The following TNFSF15 variants were observed in gnomAD, a reference collection of about 807,000 sequenced individuals.
TNFSF15 encodes the protein tumor necrosis factor ligand superfamily member 15.
A neutral mutation model predicts 26.4 loss-of-function variants in TNFSF15; 15 were observed. That is an observed-to-expected ratio of 0.57 (90% confidence interval 0.38 to 0.87). The LOEUF is 0.87. Ranked by LOEUF, TNFSF15 falls within the 40% of genes least tolerant of loss-of-function variation. The probability of loss-of-function intolerance (pLI) is 0.00; values close to 1 mark genes in which losing one functional copy is unlikely to be tolerated. For missense variants in TNFSF15, 290 were observed against 306.1 expected, an observed-to-expected ratio of 0.95 and a Z score of 0.39; for synonymous variants, 116 against 115.0, an observed-to-expected ratio of 1.01 and a Z score of -0.06.
At chr9:114,791,074 T>C in intron 3 of TNFSF15, 168 bp from the exon 4 acceptor site, 1 of 670,176 alleles carries the variant, frequency 1.5e-6, no homozygotes, top group Non-Finnish European at 2.6e-6. Context: ...GACATACACA[T>C]TTGTTCAAAG....
Position 114,790,674 on chromosome 9 carries a change from A to C in TNFSF15, c.534T>G (p.Thr178=), listed in dbSNP as rs187538454. 1.9e-4 allele frequency: 313 copies of C among 1,614,076 alleles called. 1 individual carries two copies. Among genetic ancestry groups the C allele is most frequent in the South Asian group, 1.6e-3 (143 of 91,080 alleles). ...AGRPNKPDSI[T]VVITKVTDSY... ...TGTCTGTTACCTTGGTGATGACCAC[A>C]GTGATGGAGTCTGGCTTGTTTGGTC... The change falls in exon 4 of 4, where the codon ACT becomes ACG. Residue 178 remains threonine (T), a synonymous_variant. Transcript: ENST00000374045.
rs1829561247 is a variant in TNFSF15, at chr9:114,789,636, A to G, written c.*816T>C. 1 of 152,126 alleles carries G rather than the reference A, an allele frequency of 6.6e-6. No individual in the cohort carries two copies. The highest frequency in any genetic ancestry group is 2.1e-4 in the South Asian group (1 of 4,824). 9.4% of individuals were successfully genotyped at this position (152,126 alleles called of 1,614,324 possible). A position where few individuals can be genotyped will look rare whatever the true frequency, so the allele number is the denominator to read the frequency against. ...GCCAAGACTTGGAGTTATTCTTTAG[A>G]GTATGTTGACTGATGTTTGATCAGG... On this transcript the variant is annotated 3_prime_UTR_variant, in exon 4 of 4. Transcript: ENST00000374045.
intron 1 of TNFSF15, among the ~76,000 whole-genome samples, chr9:114,797,395 C>G (rs77985020): frequency 1.3e-5 from 2 of 152,132 alleles, no homozygotes; most frequent in African/African-American, 2.4e-5. Flanking sequence ...TCCAAGAGTC[C>G]GCAAGAAGGA....
intron 1 of TNFSF15, among the ~76,000 whole-genome samples, chr9:114,800,948 C>T (rs1185258268): frequency 6.6e-6 from 1 of 152,052 alleles, no homozygotes; most frequent in Non-Finnish European, 1.5e-5. Flanking sequence ...AAGAATGGTT[C>T]AGGAATAAAA....
At chr9:114,802,036 C>T (rs948109396) in intron 1 of TNFSF15, among the ~76,000 whole-genome samples, 5 of 152,086 alleles carry the variant, frequency 3.3e-5, no homozygotes, top group South Asian at 4.2e-4. Context: ...ATGCTGTTAA[C>T]GCACTTTGCT....
In TNFSF15 at chr9:114,805,793, T is replaced by A; in HGVS notation, c.210+10A>T. ...GCTCCTCCCCAAGGTCAGAGTGCCA[T>A]GTGGCTTACCTGGAACTGCACACAG... On this transcript the variant is annotated intron_variant, in intron 1 of 3. Transcript: ENST00000374045. 6.2e-7 allele frequency: 1 copy of A among 1,612,098 alleles called. No homozygotes were observed. The highest frequency in any genetic ancestry group is 8.5e-7 in the Non-Finnish European group (1 of 1,179,546).
intron 1 of TNFSF15, among the ~76,000 whole-genome samples, chr9:114,794,790 G>A (rs1245659293): frequency 6.6e-6 from 1 of 152,160 alleles, no homozygotes; most frequent in Admixed American, 6.5e-5. Context: ...GACACACTTT[G>A]CATGTTCTCA....
chr9:114,787,651 C>T lies in TNFSF15; in HGVS notation c.*2801G>A, dbSNP rs1054577691. 6.5e-6 allele frequency: 1 copy of T among 153,520 alleles called. No homozygotes were observed. The highest frequency in any genetic ancestry group is 1.5e-5 in the Non-Finnish European group (1 of 68,024). 9.5% of individuals were successfully genotyped at this position (153,520 alleles called of 1,614,324 possible). The stretch of plus-strand genomic sequence containing the variant: ...CATCACATGATCTTAAAAGCATTTT[C>T]CCACCTCACTTTTGAAAACAGTGCA... On this transcript the variant is annotated 3_prime_UTR_variant, in exon 4 of 4. Coordinates refer to ENST00000374045, the MANE Select transcript of TNFSF15 (RefSeq NM_005118.4).
rs1359700575 is a variant in TNFSF15 at position 114,786,945 on chromosome 9, T to G, written c.*3507A>C. 6.6e-6 allele frequency: 1 copy of G among 151,758 alleles called. No individual in the cohort carries two copies. Among genetic ancestry groups the G allele is most frequent in the African/African-American group, 2.4e-5 (1 of 41,302 alleles). 9.4% of individuals were successfully genotyped at this position (151,758 alleles called of 1,614,324 possible). A position where few individuals can be genotyped will look rare whatever the true frequency, so the allele number is the denominator to read the frequency against. ...AAAAAAAAAAAAAGAAAAAGAAATT[T>G]TAGTAGCATAATCAATTCTGTTCTG... On this transcript the variant is annotated 3_prime_UTR_variant, in exon 4 of 4. Coordinates refer to ENST00000374045, the MANE Select transcript of TNFSF15 (RefSeq NM_005118.4).
intron 1 of TNFSF15, among the ~76,000 whole-genome samples, chr9:114,804,873 C>T (rs1025630895): frequency 6.6e-6 from 1 of 152,128 alleles, no homozygotes; most frequent in East Asian, 1.9e-4. Flanking sequence ...TCCAGTTAAA[C>T]CCATTGAAAA....
At position 114,786,967 on chromosome 9, in the gene TNFSF15, T is replaced by C. The variant is rs1038125504; in HGVS notation, c.*3485A>G. ...ATTTTAGTAGCATAATCAATTCTGT[T>C]CTGCCAAATAGACTGAAACCATGCT... On this transcript the variant is annotated 3_prime_UTR_variant, in exon 4 of 4. Coordinates refer to ENST00000374045, the MANE Select transcript of TNFSF15 (RefSeq NM_005118.4). 1 of 151,936 alleles carries C rather than the reference T, an allele frequency of 6.6e-6. No homozygotes were observed. Among genetic ancestry groups the C allele is most frequent in the Non-Finnish European group, 1.5e-5 (1 of 68,002 alleles). The allele number at this position is 151,936 out of a possible 1,614,324, so 9.4% of individuals were successfully genotyped here. A position where few individuals can be genotyped will look rare whatever the true frequency, so the allele number is the denominator to read the frequency against.
Position 114,788,545 on chromosome 9 carries a change from T to C in TNFSF15, c.*1907A>G, listed in dbSNP as rs1286588992. 6.6e-6 allele frequency: 1 copy of C among 152,230 alleles called. No homozygotes were observed. Among genetic ancestry groups the C allele is most frequent in the African/African-American group, 2.4e-5 (1 of 41,458 alleles). 9.4% of individuals were successfully genotyped at this position (152,230 alleles called of 1,614,324 possible). A position where few individuals can be genotyped will look rare whatever the true frequency, so the allele number is the denominator to read the frequency against. ...GAAGTGCTCCTGCTACACTGGACAC[T>C]TTGCTCAGGAGCCTCTCAAATGCCT... is the stretch of plus-strand genomic sequence containing the variant. On this transcript the variant is annotated 3_prime_UTR_variant, in exon 4 of 4. Coordinates refer to ENST00000374045, the MANE Select transcript of TNFSF15 (RefSeq NM_005118.4).
rs956848266 is a variant in TNFSF15 at position 114,789,524 on chromosome 9, G to A, written c.*928C>T. On this transcript the variant is annotated 3_prime_UTR_variant, in exon 4 of 4. Coordinates refer to ENST00000374045, the MANE Select transcript of TNFSF15 (RefSeq NM_005118.4). ...AGATGGGGTTTCTCCACGTTGGTCAGGCTGGTCTTGAACTCCCGGCCTTAG... is the reference window on the plus strand; with the variant it reads ...AGATGGGGTTTCTCCACGTTGGTCAAGCTGGTCTTGAACTCCCGGCCTTAG... The A allele has an allele frequency of 1.3e-5, 2 of 152,244 alleles. No homozygotes were observed. The highest frequency in any genetic ancestry group is 4.8e-5 in the African/African-American group (2 of 41,434). The allele number at this position is 152,244 out of a possible 1,614,324, so 9.4% of individuals were successfully genotyped here. A position where few individuals can be genotyped will look rare whatever the true frequency, so the allele number is the denominator to read the frequency against.
At chr9:114,792,759 T>G (rs908134620) in intron 2 of TNFSF15, among the ~76,000 whole-genome samples, 1 of 152,210 alleles carries the variant, frequency 6.6e-6, no homozygotes, top group Non-Finnish European at 1.5e-5. Context: ...GGGCACAGTA[T>G]AGATGGAGGT....
In TNFSF15 at chr9:114,790,525, A is replaced by G; in HGVS notation, c.683T>C (p.Val228Ala). Reference protein sequence around the residue: ...FSLQEGDKLMVNVSDISLVDY... With the variant: ...FSLQEGDKLMANVSDISLVDY... ...CACCAAAGAGATGTCACTGACGTTC[A>G]CCATTAGCTTGTCCCCTTCTTGCAA... Residue 228 changes from valine (V) to alanine (A), a missense_variant, in exon 4 of 4, where the codon GTG becomes GCG. Around this residue, in one of 3 missense-constraint regions of TNFSF15, gnomAD observed 102 missense variants for 114.7 expected, o/e 0.89. Coordinates refer to ENST00000374045, the MANE Select transcript of TNFSF15 (RefSeq NM_005118.4). 6.2e-7 allele frequency: 1 copy of G among 1,614,124 alleles called. No homozygotes were observed. Among genetic ancestry groups the G allele is most frequent in the Non-Finnish European group, 8.5e-7 (1 of 1,180,010 alleles).
rs1374556214 is a variant in TNFSF15, at chr9:114,787,250, A to T, written c.*3202T>A. On this transcript the variant is annotated 3_prime_UTR_variant, in exon 4 of 4. Coordinates refer to ENST00000374045, the MANE Select transcript of TNFSF15 (RefSeq NM_005118.4). ...TCCTTGAGTAGCTATTTTTAAAAAA[A>T]CACTTCGAGTAAACACAAATCATTT... 6.6e-6 allele frequency: 1 copy of T among 152,234 alleles called. No homozygotes were observed. Among genetic ancestry groups the T allele is most frequent in the Non-Finnish European group, 1.5e-5 (1 of 68,040 alleles). 9.4% of individuals were successfully genotyped at this position (152,234 alleles called of 1,614,324 possible).
intron 1 of TNFSF15, among the ~76,000 whole-genome samples, chr9:114,800,754 T>C (rs1829735596): frequency 6.6e-6 from 1 of 152,226 alleles, no homozygotes; most frequent in Non-Finnish European, 1.5e-5. Context: ...TCTCATGTAC[T>C]TGTCTCAAAA....
chr9:114,802,526 C>T (rs986308773), intron 1 of TNFSF15, among the ~76,000 whole-genome samples: 1 of 152,232 alleles, frequency 6.6e-6, no homozygotes, highest in African/African-American at 2.4e-5. Flanking sequence ...GCTGGGATTA[C>T]AGGCATGAGC....
At position 114,788,077 on chromosome 9, in the gene TNFSF15, G is replaced by A. The variant is rs569974585; in HGVS notation, c.*2375C>T. On this transcript the variant is annotated 3_prime_UTR_variant, in exon 4 of 4. Coordinates refer to ENST00000374045, the MANE Select transcript of TNFSF15 (RefSeq NM_005118.4). ...AAAGAACATTTTATGTTTTTAATGG[G>A]TGTTAGTTCTGATCATGGAGCTAGA... The A allele has an allele frequency of 1.9e-5, 3 of 153,854 alleles. No individual in the cohort carries two copies. In the South Asian group the frequency reaches 6.2e-4, roughly 32 times the overall value. The allele number at this position is 153,854 out of a possible 1,614,324, so 9.5% of individuals were successfully genotyped here.
Sources: gnomAD v4.1 joint callset for allele counts (sites outside exome capture counted in the v4.1 genomes callset) on GRCh38, gnomAD v4.1.1 for gene constraint, gnomAD v4.1.1 regional missense constraint, MANE v1.5 for transcripts, NCBI Gene and HGNC (gene_info 2026-07-23, HGNC 2026-07-21) for gene names.